The following SCFD2 variants were observed in gnomAD, a reference collection of about 807,000 sequenced individuals.
SCFD2 encodes sec1 family domain containing 2, also known as sec1 family domain-containing protein 2.
Under a neutral mutation model 58.9 loss-of-function variants are expected in SCFD2, and 54 were observed. The observed-to-expected ratio is 0.92, with a 90% CI of 0.74 to 1.15. The LOEUF is 1.15. Ranked by LOEUF, SCFD2 falls within the 50% of genes most tolerant of loss-of-function variation. The pLI, the probability that SCFD2 is intolerant of heterozygous loss-of-function variation, is 0.00. For synonymous variants in SCFD2, 321 were observed against 335.9 expected, an observed-to-expected ratio of 0.96 and a Z score of 0.49; for missense variants, 805 against 836.6, an observed-to-expected ratio of 0.96 and a Z score of 0.47.
chr4:53,161,273 C>A (rs1279808790), intron 4 of SCFD2, among the ~76,000 whole-genome samples: 1 of 152,078 alleles, frequency 6.6e-6, no homozygotes, highest in Non-Finnish European at 1.5e-5. Flanking sequence ...CTGTACTTTT[C>A]TATATTATAT....
chr4:53,131,294 T>C (rs929320859), intron 5 of SCFD2, among the ~76,000 whole-genome samples: 1 of 152,176 alleles, frequency 6.6e-6, no homozygotes, highest in African/African-American at 2.4e-5. Flanking sequence ...GATGAATCGG[T>C]GGGTATGCAA....
chr4:52,995,783 A>G (rs867127572), intron 5 of SCFD2, among the ~76,000 whole-genome samples: 1 of 152,242 alleles, frequency 6.6e-6, no homozygotes. Flanking sequence ...CACGGTGGTT[A>G]TAAGTGGGTC....
intron 8 of SCFD2, among the ~76,000 whole-genome samples, chr4:52,877,341 GCTT>G (rs1265185518): frequency 6.6e-6 from 1 of 152,120 alleles, no homozygotes; most frequent in Non-Finnish European, 1.5e-5. Flanking sequence ...GAAAACAGGG[GCTT>G]CTCAAGCAGT....
At chr4:52,990,039 T>C (rs1473482147) in intron 5 of SCFD2, among the ~76,000 whole-genome samples, 1 of 152,218 alleles carries the variant, frequency 6.6e-6, no homozygotes, top group Admixed American at 6.5e-5. Context: ...TTTACGCACA[T>C]GCTCTCAGAT....
intron 5 of SCFD2, among the ~76,000 whole-genome samples, chr4:52,981,625 G>A (rs564908028): frequency 2.0e-5 from 3 of 152,152 alleles, no homozygotes; most frequent in Admixed American, 2.0e-4. Flanking sequence ...AGAAAATCAA[G>A]GCCCAGAAGG....
chr4:53,302,171 T>A (rs1732331815), intron 3 of SCFD2, among the ~76,000 whole-genome samples: 1 of 152,204 alleles, frequency 6.6e-6, no homozygotes, highest in South Asian at 2.1e-4. Flanking sequence ...TGTCCCTGTT[T>A]GCAGATGACA....
intron 5 of SCFD2, among the ~76,000 whole-genome samples, chr4:52,958,709 C>T (rs572035838): frequency 2.0e-4 from 30 of 152,226 alleles, no homozygotes; most frequent in African/African-American, 5.1e-4. Context: ...CGGGAGGAAA[C>T]GTGTGGCTAG....
At chr4:52,896,982 C>T (rs571039178) in intron 7 of SCFD2, among the ~76,000 whole-genome samples, 2 of 152,256 alleles carry the variant, frequency 1.3e-5, no homozygotes, top group African/African-American at 4.8e-5. Flanking sequence ...TATAAGAATG[C>T]TTGTCATTTT....
At chr4:53,053,536 T>C (rs1360229781) in intron 5 of SCFD2, among the ~76,000 whole-genome samples, 1 of 152,006 alleles carries the variant, frequency 6.6e-6, no homozygotes, top group African/African-American at 2.4e-5. Flanking sequence ...CTTTGTAATC[T>C]ACTCCCCAAT....
At chr4:52,984,595 A>G (rs1157875564) in intron 5 of SCFD2, among the ~76,000 whole-genome samples, 1 of 152,226 alleles carries the variant, frequency 6.6e-6, no homozygotes, top group Non-Finnish European at 1.5e-5. Context: ...AGTGACCATT[A>G]TATAATAGAA....
At chr4:53,069,692 T>C (rs1049923524) in intron 5 of SCFD2, among the ~76,000 whole-genome samples, 1 of 152,052 alleles carries the variant, frequency 6.6e-6, no homozygotes, top group Non-Finnish European at 1.5e-5. Context: ...TGCAACATGG[T>C]ACTATAAAAA....
intron 3 of SCFD2, among the ~76,000 whole-genome samples, chr4:53,277,640 CTA>C (rs1483824118): frequency 6.6e-6 from 1 of 152,160 alleles, no homozygotes; most frequent in Non-Finnish European, 1.5e-5. Flanking sequence ...TCTTCTATAA[CTA>C]TGTTTTAGAG....
At chr4:53,201,649 A>G (rs1413564182) in intron 4 of SCFD2, among the ~76,000 whole-genome samples, 1 of 152,106 alleles carries the variant, frequency 6.6e-6, no homozygotes, top group African/African-American at 2.4e-5. Context: ...CAACAGTGTA[A>G]AAGTGTTCCT....
chr4:53,192,327 G>A (rs1318329628), intron 4 of SCFD2, among the ~76,000 whole-genome samples: 2 of 152,112 alleles, frequency 1.3e-5, no homozygotes, highest in Non-Finnish European at 2.9e-5. Flanking sequence ...TCGTTTGTAA[G>A]CATGAACCCT....
intron 5 of SCFD2, among the ~76,000 whole-genome samples, chr4:53,094,314 C>A (rs764496375): frequency 2.0e-5 from 3 of 152,102 alleles, no homozygotes; most frequent in Non-Finnish European, 4.4e-5. Flanking sequence ...CCTTACAATT[C>A]TGGAGTCTAG....
intron 5 of SCFD2, among the ~76,000 whole-genome samples, chr4:53,084,464 T>G (rs1469257341): frequency 6.6e-6 from 1 of 152,154 alleles, no homozygotes; most frequent in African/African-American, 2.4e-5. Flanking sequence ...TGTTTTACAA[T>G]CAGTTTGTAC....
At chr4:53,178,008 G>A (rs62325040) in intron 4 of SCFD2, among the ~76,000 whole-genome samples, 1 of 152,222 alleles carries the variant, frequency 6.6e-6, no homozygotes, top group Admixed American at 6.5e-5. Flanking sequence ...CAAAGTGGAT[G>A]GGAAGCTAGA....
intron 5 of SCFD2, among the ~76,000 whole-genome samples, chr4:53,061,401 T>G (rs576233852): frequency 1.3e-5 from 2 of 152,278 alleles, no homozygotes; most frequent in East Asian, 1.9e-4. Flanking sequence ...GGTAAAAAGC[T>G]AGGATTTGGA....
At chr4:53,003,453 T>C (rs1231877463) in intron 5 of SCFD2, among the ~76,000 whole-genome samples, 2 of 152,244 alleles carry the variant, frequency 1.3e-5, no homozygotes, top group Admixed American at 6.5e-5. Flanking sequence ...GCAGCTATCA[T>C]ACTGGGTAAT....
Sources: allele counts gnomAD v4.1 joint callset (sites outside exome capture counted in the v4.1 genomes callset), GRCh38; gene constraint gnomAD v4.1.1; transcripts MANE v1.5; gene names NCBI Gene and HGNC (gene_info 2026-07-23, HGNC 2026-07-21).